The following PDE8A variants were observed in gnomAD, a reference collection of about 807,000 sequenced individuals.
The protein encoded by PDE8A is phosphodiesterase 8A, also known as high affinity cAMP-specific and IBMX-insensitive 3',5'-cyclic phosphodiesterase 8A.
PDE8A carries 59 observed loss-of-function variants against 105.0 expected under a neutral mutation model. The ratio of observed to expected loss-of-function variants is 0.56; its 90% CI spans 0.46 to 0.70. PDE8A has a LOEUF of 0.70. Ranked by LOEUF, PDE8A falls within the 30% of genes least tolerant of loss-of-function variation. The pLI is 0.00. For synonymous variants in PDE8A, 355 were observed against 371.9 expected, an observed-to-expected ratio of 0.95 and a Z score of 0.52; for missense variants, 1,014 against 1,045.9, an observed-to-expected ratio of 0.97 and a Z score of 0.42.
chr15:85,120,830 C>G lies in PDE8A; in HGVS notation c.1768C>G (p.Leu590Val), dbSNP rs2082169297. ...AGATCCAATTGATGAGGTCGCTGCA[C>G]TCATCGCAGCCACCATTCATGATGT... ...TLDPIDEVAA[L>V]IAATIHDVDH... The change falls in exon 18 of 22, where the codon CTC becomes GTC. Residue 590 changes from leucine (L) to valine (V), a missense_variant. Coordinates refer to ENST00000394553, the MANE Select transcript of PDE8A (RefSeq NM_002605.3). 6.2e-7 allele frequency: 1 copy of G among 1,613,678 alleles called. No individual in the cohort carries two copies. The highest frequency in any genetic ancestry group is 8.5e-7 in the Non-Finnish European group (1 of 1,179,610).
At chr15:85,083,485 AGAGT>A in intron 5 of PDE8A, 67 bp from the exon 6 acceptor site, 1 of 871,994 alleles carries the variant, frequency 1.1e-6, no homozygotes. Flanking sequence ...GTTTGTTTAA[AGAGT>A]TATTTTTATT....
chr15:85,117,625 T>A lies in PDE8A; in HGVS notation c.1536-16T>A. The A allele has an allele frequency of 2.5e-6, 4 of 1,610,474 alleles. No homozygotes were observed. The highest frequency in any genetic ancestry group is 3.4e-6 in the Non-Finnish European group (4 of 1,177,150). On this transcript the variant is annotated splice_polypyrimidine_tract_variant and intron_variant, in intron 16 of 21. Transcript: ENST00000394553. ...TTTGCTTTGTTCTAATATTGTGGGG[T>A]TTTTTCTGTCTATAGGCCTTTGATT... is the stretch of plus-strand genomic sequence containing the variant.
chr15:85,071,969 G>A (rs143891505), intron 3 of PDE8A, among the ~76,000 whole-genome samples: 29 of 152,238 alleles, frequency 1.9e-4, no homozygotes, highest in African/African-American at 7.0e-4. Flanking sequence ...ACAGGAGTAG[G>A]TCTCTGTAAT....
At chr15:85,120,674 A>G (rs2082167133) in intron 17 of PDE8A, 123 bp from the exon 18 acceptor site, 2 of 658,650 alleles carry the variant, frequency 3.0e-6, no homozygotes, top group Non-Finnish European at 5.3e-6. Context: ...CTCACGTAGT[A>G]TGCTTTTCTT....
intron 6 of PDE8A, among the ~76,000 whole-genome samples, chr15:85,085,360 G>C (rs1288646845): frequency 1.3e-5 from 2 of 152,180 alleles, no homozygotes; most frequent in Non-Finnish European, 2.9e-5. Flanking sequence ...CTAAAAAGCT[G>C]TAACAAGCAG....
chr15:85,015,244 C>CTTTTT (rs71138359), intron 1 of PDE8A, among the ~76,000 whole-genome samples: 1 of 149,638 alleles, frequency 6.7e-6, no homozygotes, highest in African/African-American at 2.5e-5. Flanking sequence ...GTGCATAAGT[C>CTTTTT]TTTTTTTTTT....
chr15:85,118,543 C>T (rs545647746), intron 17 of PDE8A, among the ~76,000 whole-genome samples: 2 of 152,360 alleles, frequency 1.3e-5, no homozygotes, highest in African/African-American at 4.8e-5. Flanking sequence ...TCTGAAACAG[C>T]ATACCTGATA....
Position 85,100,688 on chromosome 15 carries a change from G to A in PDE8A, c.1036+490G>A, listed in dbSNP as rs9920260. Among the ~76,000 whole-genome samples, 682 of 152,276 alleles carry A rather than the reference G, an allele frequency of 4.5e-3. 2 individuals are homozygous for A. Among genetic ancestry groups the A allele is most frequent in the African/African-American group, 0.015 (642 of 41,568 alleles). ...TACTGCAAATGCATTTCCCTGGTTT[G>A]GAGTCACCTGTTTCCTTCAAACGTG... On this transcript the variant is annotated intron_variant, in intron 11 of 21. Transcript: ENST00000394553.
At chr15:85,076,624 C>A in intron 4 of PDE8A, 109 bp from the exon 5 acceptor site, 1 of 732,336 alleles carries the variant, frequency 1.4e-6, no homozygotes, top group Non-Finnish European at 2.5e-6. Context: ...TCTGATTCAT[C>A]TAAAAGTACT....
chr15:85,098,548 G>T (rs1030511912), intron 9 of PDE8A, among the ~76,000 whole-genome samples: 2 of 152,042 alleles, frequency 1.3e-5, no homozygotes, highest in Non-Finnish European at 2.9e-5. Flanking sequence ...CTATCTTAAA[G>T]AAATAATATG....
intron 3 of PDE8A, among the ~76,000 whole-genome samples, chr15:85,072,023 G>C (rs926947442): frequency 6.6e-6 from 1 of 152,196 alleles, no homozygotes; most frequent in Non-Finnish European, 1.5e-5. Flanking sequence ...AATAAAAAAA[G>C]TACTACTTGA....
intron 1 of PDE8A, among the ~76,000 whole-genome samples, chr15:85,007,073 G>C (rs1315797784): frequency 6.6e-6 from 1 of 152,158 alleles, no homozygotes; most frequent in Admixed American, 6.5e-5. Context: ...CAGTTAGATT[G>C]ATCTGGAATT....
intron 3 of PDE8A, among the ~76,000 whole-genome samples, chr15:85,070,845 A>C (rs751033359): frequency 6.6e-6 from 1 of 152,216 alleles, no homozygotes; most frequent in Non-Finnish European, 1.5e-5. Flanking sequence ...CTTGGCTGCC[A>C]AGTGGAGAAT....
intron 1 of PDE8A, among the ~76,000 whole-genome samples, chr15:84,986,436 G>A (rs1402483658): frequency 6.6e-6 from 1 of 151,626 alleles, no homozygotes; most frequent in Non-Finnish European, 1.5e-5. Flanking sequence ...ATCACCTCCC[G>A]TCCCACTTCC....
At chr15:85,009,076 G>T (rs1035768104) in intron 1 of PDE8A, among the ~76,000 whole-genome samples, 84 of 150,616 alleles carry the variant, frequency 5.6e-4, no homozygotes, top group Non-Finnish European at 1.1e-3. Flanking sequence ...TTCACTTCCT[G>T]GTGTGTTAGT....
intron 2 of PDE8A, among the ~76,000 whole-genome samples, chr15:85,065,654 G>A (rs1254727796): frequency 2.0e-5 from 3 of 152,170 alleles, no homozygotes; most frequent in Non-Finnish European, 4.4e-5. Context: ...GAGTAAACTC[G>A]GAAGAAATAA....
At chr15:85,059,248 C>T (rs7403474) in intron 1 of PDE8A, among the ~76,000 whole-genome samples, 18,088 of 152,142 alleles carry the variant, frequency 0.12, 1,520 homozygotes, top group East Asian at 0.38. Flanking sequence ...TTACATCTAT[C>T]TTTTAAAATC....
At chr15:85,009,596 G>A (rs1349812878) in intron 1 of PDE8A, among the ~76,000 whole-genome samples, 4 of 152,198 alleles carry the variant, frequency 2.6e-5, no homozygotes, top group Non-Finnish European at 4.4e-5. Flanking sequence ...TTCATCAAAA[G>A]TTTAGATTTT....
intron 1 of PDE8A, among the ~76,000 whole-genome samples, chr15:85,038,216 G>GGGGGGT (rs1491197580): frequency 6.2e-5 from 3 of 48,292 alleles, no homozygotes; most frequent in African/African-American, 3.1e-4. Flanking sequence ...CCAATTGGGG[G>GGGGGGT]GTGTGTGTGT....
Sources: gnomAD v4.1 joint callset for allele counts (sites outside exome capture counted in the v4.1 genomes callset) on GRCh38, gnomAD v4.1.1 for gene constraint, MANE v1.5 for transcripts, NCBI Gene and HGNC (gene_info 2026-07-23, HGNC 2026-07-21) for gene names.